KCNH8: variants seen among roughly 807,000 people sequenced by gnomAD.
The protein encoded by KCNH8 is voltage-gated delayed rectifier potassium channel KCNH8.
In KCNH8, 70 loss-of-function variants were observed where a neutral mutation model predicts 103.6. That is an observed-to-expected ratio of 0.68 (90% confidence interval 0.56 to 0.82). The LOEUF is 0.82. KCNH8 is among the 40% of genes least tolerant of loss of function. The probability of loss-of-function intolerance (pLI) is 0.00; values close to 1 mark genes in which losing one functional copy is unlikely to be tolerated. For missense variants in KCNH8, 1,217 were observed against 1,329.9 expected, an observed-to-expected ratio of 0.92 and a Z score of 1.32; for synonymous variants, 498 against 489.4, an observed-to-expected ratio of 1.02 and a Z score of -0.23.
At chr3:19,206,168 G>GTGTGTA (rs979868166) in intron 1 of KCNH8, among the ~76,000 whole-genome samples, 1 of 139,262 alleles carries the variant, frequency 7.2e-6, no homozygotes, top group African/African-American at 2.9e-5. Flanking sequence ...TGGTGTGTGT[G>GTGTGTA]TATATATATA....
Position 19,534,081 on chromosome 3 carries a change from C to T in KCNH8, c.3306C>T (p.Asn1102=). 1 of 1,613,282 alleles carries T rather than the reference C, an allele frequency of 6.2e-7. No homozygotes were observed. The highest frequency in any genetic ancestry group is 8.5e-7 in the Non-Finnish European group (1 of 1,179,412). Residue 1102 remains asparagine (N), a synonymous_variant, in exon 16 of 16, where the codon AAC becomes AAT. Coordinates refer to ENST00000328405, the MANE Select transcript of KCNH8 (RefSeq NM_144633.3). ...VVTSTAEVKD[N]KAINV ...CAAGCACAGCAGAAGTGAAAGATAA[C>T]AAAGCCATAAATGTATGATATTAGT...
chr3:19,414,622 A>G (rs1046424848), intron 7 of KCNH8, among the ~76,000 whole-genome samples: 1 of 152,060 alleles, frequency 6.6e-6, no homozygotes, highest in Non-Finnish European at 1.5e-5. Flanking sequence ...AATGAGTAGT[A>G]AAATTATTTG....
intron 11 of KCNH8, among the ~76,000 whole-genome samples, chr3:19,467,514 C>A (rs1216537340): frequency 6.6e-6 from 1 of 152,112 alleles, no homozygotes; most frequent in Non-Finnish European, 1.5e-5. Context: ...GTATGTGTTT[C>A]CTTTGTCAGG....
intron 1 of KCNH8, 76 bp downstream of exon 1, chr3:19,148,871 A>AC: frequency 7.7e-7 from 1 of 1,291,302 alleles, no homozygotes; most frequent in Admixed American, 1.7e-5. Context: ...TTTTGCTCCC[A>AC]CCTTCCCTTT....
At chr3:19,419,335 G>A (rs1485147683) in intron 7 of KCNH8, among the ~76,000 whole-genome samples, 5 of 151,224 alleles carry the variant, frequency 3.3e-5, no homozygotes, top group South Asian at 4.2e-4. Flanking sequence ...GAGTAGCTGG[G>A]ACTACAGGCG....
chr3:19,292,626 C>T (rs190241171), intron 3 of KCNH8, among the ~76,000 whole-genome samples: 3 of 152,276 alleles, frequency 2.0e-5, no homozygotes, highest in Non-Finnish European at 2.9e-5. Context: ...CTGCGCAGCC[C>T]GTGGTTAGGA....
intron 1 of KCNH8, among the ~76,000 whole-genome samples, chr3:19,240,781 T>C (rs2064130273): frequency 6.6e-6 from 1 of 152,156 alleles, no homozygotes; most frequent in African/African-American, 2.4e-5. Context: ...CCTCTGCCTT[T>C]CTAGTTATTA....
At chr3:19,488,376 G>T (rs1034432306) in intron 11 of KCNH8, among the ~76,000 whole-genome samples, 35 of 152,120 alleles carry the variant, frequency 2.3e-4, no homozygotes, top group Non-Finnish European at 7.3e-5. Flanking sequence ...TTGCATCTTT[G>T]TTCACAAACA....
At chr3:19,480,709 A>C (rs1418722582) in intron 11 of KCNH8, among the ~76,000 whole-genome samples, 2 of 152,186 alleles carry the variant, frequency 1.3e-5, no homozygotes, top group East Asian at 1.9e-4. Flanking sequence ...CAATAGTAGA[A>C]TGTTGAGGCC....
chr3:19,237,710 GTATAT>G (rs2125242582), intron 1 of KCNH8, among the ~76,000 whole-genome samples: 1 of 152,318 alleles, frequency 6.6e-6, no homozygotes, highest in South Asian at 2.1e-4. Context: ...TGTGCAGTTA[GTATAT>G]TAGCTCTGAT....
intron 12 of KCNH8, among the ~76,000 whole-genome samples, chr3:19,511,383 C>A (rs1366217495): frequency 6.6e-6 from 1 of 152,088 alleles, no homozygotes; most frequent in Non-Finnish European, 1.5e-5. Context: ...AGTACAAATA[C>A]TTGACAGGTT....
At chr3:19,190,472 C>A (rs1248587042) in intron 1 of KCNH8, among the ~76,000 whole-genome samples, 4 of 151,934 alleles carry the variant, frequency 2.6e-5, no homozygotes, top group Non-Finnish European at 4.4e-5. Context: ...ATTTTGAAAG[C>A]TGTAAACAGC....
chr3:19,165,797 G>A (rs139975874), intron 1 of KCNH8, among the ~76,000 whole-genome samples: 339 of 152,248 alleles, frequency 2.2e-3, no homozygotes, highest in Admixed American at 5.2e-3. Context: ...GGGTTGCTCT[G>A]GGATCTTGGC....
chr3:19,214,250 C>T (rs1052096116), intron 1 of KCNH8, among the ~76,000 whole-genome samples: 1 of 152,204 alleles, frequency 6.6e-6, no homozygotes, highest in Non-Finnish European at 1.5e-5. Flanking sequence ...ACACTTTTAT[C>T]AGAGTTAATA....
chr3:19,481,899 A>G (rs879779513), intron 11 of KCNH8, among the ~76,000 whole-genome samples: 1 of 152,184 alleles, frequency 6.6e-6, no homozygotes, highest in Admixed American at 6.5e-5. Flanking sequence ...TCTTAACTTG[A>G]TGGATGAAGT....
chr3:19,363,030 G>C (rs1164364964), intron 5 of KCNH8, among the ~76,000 whole-genome samples: 1 of 152,066 alleles, frequency 6.6e-6, no homozygotes, highest in Non-Finnish European at 1.5e-5. Context: ...AGCTAATCTT[G>C]GGACTAAGAT....
At chr3:19,468,522 C>A (rs757760916) in intron 11 of KCNH8, among the ~76,000 whole-genome samples, 1 of 152,104 alleles carries the variant, frequency 6.6e-6, no homozygotes, top group African/African-American at 2.4e-5. Flanking sequence ...TTTTTCACTT[C>A]CCCTAAGTTC....
intron 1 of KCNH8, among the ~76,000 whole-genome samples, chr3:19,180,715 T>C (rs369916186): frequency 6.6e-6 from 1 of 152,118 alleles, no homozygotes; most frequent in Non-Finnish European, 1.5e-5. Context: ...GTTTGTTTGG[T>C]TTGGTTTGAT....
chr3:19,525,867 AT>A (rs1316715557), intron 15 of KCNH8, among the ~76,000 whole-genome samples: 1 of 151,970 alleles, frequency 6.6e-6, no homozygotes. Context: ...TGAGGTCCTC[AT>A]ATGGATGAAA....
Sources: gnomAD v4.1 joint callset for allele counts (sites outside exome capture counted in the v4.1 genomes callset) on GRCh38, gnomAD v4.1.1 for gene constraint, MANE v1.5 for transcripts, NCBI Gene and HGNC (gene_info 2026-07-23, HGNC 2026-07-21) for gene names.